NDC80: variants seen among roughly 807,000 people sequenced by gnomAD.
The protein encoded by NDC80 is kinetochore protein NDC80 homolog.
A neutral mutation model predicts 89.3 loss-of-function variants in NDC80; 69 were observed. The observed-to-expected ratio is 0.77, with a 90% CI of 0.64 to 0.94. The LOEUF is 0.94. Ranked by LOEUF, NDC80 falls within the 40% of genes least tolerant of loss-of-function variation. The probability of loss-of-function intolerance (pLI) is 0.00; values close to 1 mark genes in which losing one functional copy is unlikely to be tolerated. For synonymous variants in NDC80, 243 were observed against 255.6 expected, an observed-to-expected ratio of 0.95 and a Z score of 0.47; for missense variants, 593 against 739.6, an observed-to-expected ratio of 0.80 and a Z score of 2.30.
At chr18:2,591,857 T>TA (rs2072629329) in intron 10 of NDC80, among the ~76,000 whole-genome samples, 1 of 150,816 alleles carries the variant, frequency 6.6e-6, no homozygotes, top group South Asian at 2.1e-4. Flanking sequence ...CGGGTTCAAA[T>TA]AATTCTTCTG....
intron 7 of NDC80, 43 bp downstream of exon 7, chr18:2,585,245 T>C (rs1488869772): frequency 7.0e-7 from 1 of 1,422,176 alleles, no homozygotes; most frequent in African/African-American, 1.4e-5. Context: ...ATTGCCTTGA[T>C]ATTATTGTGT....
intron 12 of NDC80, 57 bp from the exon 13 acceptor site, chr18:2,601,339 G>T: frequency 1.2e-6 from 1 of 807,556 alleles, no homozygotes; most frequent in African/African-American, 1.8e-5. Flanking sequence ...GATGCTTCAG[G>T]AGGGATATTT....
At position 2,573,040 on chromosome 18, in the gene NDC80, T is replaced by A. The variant is rs745930343; in HGVS notation, c.55T>A (p.Leu19Ile). 6.2e-7 allele frequency: 1 copy of A among 1,614,042 alleles called. No homozygotes were observed. The highest frequency in any genetic ancestry group is 8.5e-7 in the Non-Finnish European group (1 of 1,179,968). ...GGAGRLSMQE[L>I]RSQDVNKQGL... ...TGCTGGCCGCCTCTCCATGCAGGAG[T>A]TAAGATCCCAGGATGTAAATAAACA... Residue 19 changes from leucine to isoleucine, a missense_variant, in exon 2 of 17, where the codon TTA becomes ATA. Leu to Ile is a conservative substitution (Grantham distance 5, BLOSUM62 2). Transcript: ENST00000261597.
intron 11 of NDC80, among the ~76,000 whole-genome samples, chr18:2,597,168 A>C (rs1393643554): frequency 6.6e-6 from 1 of 152,024 alleles, no homozygotes; most frequent in Non-Finnish European, 1.5e-5. Context: ...TAAAACTTAA[A>C]GTATAATAAT....
At chr18:2,581,862 T>C (rs1450772799) in intron 6 of NDC80, among the ~76,000 whole-genome samples, 1 of 152,168 alleles carries the variant, frequency 6.6e-6, no homozygotes, top group Non-Finnish European at 1.5e-5. Flanking sequence ...CTCTAAATTA[T>C]TTTTTCAGAT....
intron 11 of NDC80, 118 bp downstream of exon 11, chr18:2,595,739 A>T: frequency 1.4e-6 from 1 of 691,578 alleles, no homozygotes; most frequent in Non-Finnish European, 2.4e-6. Context: ...AAACATTAGC[A>T]TTGACATTTT....
intron 10 of NDC80, chr18:2,593,889 TTTTATTTTATTTTAC>T (rs1464612128): frequency 3.2e-5 from 7 of 219,178 alleles, no homozygotes; most frequent in African/African-American, 2.0e-4. Flanking sequence ...AGCTAGCTTA[TTTTATTTTATTTTAC>T]TTTATTTTAT....
In NDC80 at chr18:2,577,740, T is replaced by C; in HGVS notation, c.180-6T>C. 1 of 1,612,648 alleles carries C rather than the reference T, an allele frequency of 6.2e-7. No individual in the cohort carries two copies. Among genetic ancestry groups the C allele is most frequent in the Non-Finnish European group, 8.5e-7 (1 of 1,179,608 alleles). On this transcript the variant is annotated splice_polypyrimidine_tract_variant and splice_region_variant and intron_variant, in intron 3 of 16. Transcript: ENST00000261597. Reference sequence around the variant, plus strand: ...TTTAACTGGCTGTTTAAAAATATATTTCCAGAACTAGTGGACATGGATCCC... The same window carrying C: ...TTTAACTGGCTGTTTAAAAATATATCTCCAGAACTAGTGGACATGGATCCC...
At position 2,571,572 on chromosome 18, in the gene NDC80, T is replaced by C. The variant is rs1229559208; in HGVS notation, c.-121T>C. 2 of 152,260 alleles carry C rather than the reference T, an allele frequency of 1.3e-5. No individual in the cohort carries two copies. Among genetic ancestry groups the C allele is most frequent in the Admixed American group, 6.5e-5 (1 of 15,288 alleles). 9.4% of individuals were successfully genotyped at this position (152,260 alleles called of 1,614,324 possible). On this transcript the variant is annotated 5_prime_UTR_variant, in exon 1 of 17. Transcript: ENST00000261597. ...GGAGAATTTCAAATTCGAACGGCTT[T>C]GGCGGGCCGAGGAAGGACCTGGTGT... is the stretch of plus-strand genomic sequence containing the variant.
At chr18:2,595,652 C>T (rs1236266290) in intron 11 of NDC80, 31 bp downstream of exon 11, 20 of 1,590,350 alleles carry the variant, frequency 1.3e-5, no homozygotes, top group Non-Finnish European at 1.7e-5. Context: ...AGTGGCAACT[C>T]ATCATAGCTG....
rs1051505702 is a variant in NDC80, at chr18:2,601,161, G to T, written c.1375-235G>T. 6.6e-5 allele frequency among the ~76,000 whole-genome samples: 10 copies of T among 152,262 alleles called. No individual in the cohort carries two copies. In the East Asian group the frequency reaches 1.9e-3, roughly 29 times the overall value. On this transcript the variant is annotated intron_variant, in intron 12 of 16. Coordinates refer to ENST00000261597, the MANE Select transcript of NDC80 (RefSeq NM_006101.3). ...ATAGCAATGAATTTCCAGGATAGATGAGCAAATCTTGAATTTTGCAAGTAT... is the reference window on the plus strand; with the variant it reads ...ATAGCAATGAATTTCCAGGATAGATTAGCAAATCTTGAATTTTGCAAGTAT...
intron 6 of NDC80, among the ~76,000 whole-genome samples, chr18:2,584,509 A>G (rs2143640231): frequency 6.6e-6 from 1 of 152,262 alleles, no homozygotes; most frequent in African/African-American, 2.4e-5. Context: ...TCTATGCCTT[A>G]AAAACCTTTA....
intron 6 of NDC80, among the ~76,000 whole-genome samples, chr18:2,579,748 T>A (rs1455173564): frequency 1.3e-5 from 2 of 152,192 alleles, no homozygotes; most frequent in Non-Finnish European, 2.9e-5. Context: ...AGTTTAAAAG[T>A]GTGTGTTGCT....
At chr18:2,584,108 T>C (rs2072591828) in intron 6 of NDC80, among the ~76,000 whole-genome samples, 1 of 151,866 alleles carries the variant, frequency 6.6e-6, no homozygotes, top group Non-Finnish European at 1.5e-5. Context: ...GCCAACATGG[T>C]GAAACCCCGT....
intron 14 of NDC80, 144 bp from the exon 15 acceptor site, chr18:2,608,556 T>C: frequency 3.5e-6 from 3 of 850,208 alleles, no homozygotes; most frequent in Non-Finnish European, 5.1e-6. Context: ...TAAAGTCTCT[T>C]GCATGTAAAA....
rs751969027 is a variant in NDC80, at chr18:2,595,398, G to T, written c.1016-18G>T. The T allele has an allele frequency of 6.3e-7, 1 of 1,596,030 alleles. No homozygotes were observed. The highest frequency in any genetic ancestry group is 8.6e-7 in the Non-Finnish European group (1 of 1,167,558). On this transcript the variant is annotated intron_variant, in intron 10 of 16. Coordinates refer to ENST00000261597, the MANE Select transcript of NDC80 (RefSeq NM_006101.3). ...GGAATTGAAGATACATTAAAAATTTGGTTTTTTTCCAACACAGAACTAGAA... is the reference window on the plus strand; with the variant it reads ...GGAATTGAAGATACATTAAAAATTTTGTTTTTTTCCAACACAGAACTAGAA...
chr18:2,604,660 G>A (rs1434051191), intron 13 of NDC80, among the ~76,000 whole-genome samples: 1 of 152,170 alleles, frequency 6.6e-6, no homozygotes, highest in Non-Finnish European at 1.5e-5. Flanking sequence ...CAGCCTAGGT[G>A]ACAAAGTGAG....
At position 2,580,731 on chromosome 18, in the gene NDC80, ATTTTTT is replaced by A. The variant is rs71365186; in HGVS notation, c.579+1726_579+1731del. Among the ~76,000 whole-genome samples, 20 of 55,454 alleles carry A rather than the reference ATTTTTT, an allele frequency of 3.6e-4. No individual in the cohort carries two copies. The East Asian group carries it at 3.7e-3, about 10-fold the overall frequency. 36.4% of individuals were successfully genotyped at this position (55,454 alleles called of 152,430 possible). ...ACTACTTTTTTGGTCTCACCATCAG[ATTTTTT>A]TTTTTTTTTTTTTTTTTTTTTTTGA... On this transcript the variant is annotated intron_variant, in intron 6 of 16. Transcript: ENST00000261597.
chr18:2,596,097 C>T (rs1328093545), intron 11 of NDC80, among the ~76,000 whole-genome samples: 2 of 152,134 alleles, frequency 1.3e-5, no homozygotes, highest in Admixed American at 1.3e-4. Flanking sequence ...GTACAGGGTA[C>T]TGAGGAAACA....
Sources: gnomAD v4.1 joint callset for allele counts (sites outside exome capture counted in the v4.1 genomes callset) on GRCh38, gnomAD v4.1.1 for gene constraint, MANE v1.5 for transcripts, NCBI Gene and HGNC (gene_info 2026-07-23, HGNC 2026-07-21) for gene names.